The following ARHGAP23 variants were observed in gnomAD, a reference collection of about 807,000 sequenced individuals.
ARHGAP23 encodes Rho GTPase activating protein 23.
In ARHGAP23, 34 loss-of-function variants were observed where a neutral mutation model predicts 136.3. The observed-to-expected ratio is 0.25, with a 90% confidence interval of 0.19 to 0.33. The LOEUF is 0.33. Among genes scored for constraint, ARHGAP23 ranks in the 10% least tolerant of loss-of-function variants. ARHGAP23 has a pLI of 1.00. For synonymous variants in ARHGAP23, 832 were observed against 920.5 expected, an observed-to-expected ratio of 0.90 and a Z score of 1.74; for missense variants, 1,808 against 2,139.0, an observed-to-expected ratio of 0.85 and a Z score of 3.05.
intron 1 of ARHGAP23, among the ~76,000 whole-genome samples, chr17:38,432,184 T>C (rs1421060984): frequency 6.6e-6 from 1 of 152,148 alleles, no homozygotes; most frequent in Non-Finnish European, 1.5e-5. Context: ...AATAGCAACT[T>C]CTTCCATAGT....
upstream of ARHGAP23, among the ~76,000 whole-genome samples, chr17:38,428,148 G>A (rs960383196): frequency 6.6e-6 from 1 of 152,080 alleles, no homozygotes; most frequent in Non-Finnish European, 1.5e-5. Flanking sequence ...CCTCTTTCCT[G>A]GGCCTGGATG....
chr17:38,424,251 C>T (rs561483521), upstream of ARHGAP23, among the ~76,000 whole-genome samples: 54 of 152,222 alleles, frequency 3.5e-4, 1 homozygote, highest in Admixed American at 1.3e-4. Flanking sequence ...GCGTCCCCTC[C>T]GGCTGTCTCT....
At chr17:38,454,563 G>T (rs911142900) in intron 1 of ARHGAP23, among the ~76,000 whole-genome samples, 1 of 152,158 alleles carries the variant, frequency 6.6e-6, no homozygotes, top group Non-Finnish European at 1.5e-5. Context: ...CCTGGTAGGG[G>T]ACCTGGACAC....
rs563454479 is a variant in ARHGAP23, at chr17:38,434,584, G to A, written c.63+6036G>A. The stretch of plus-strand genomic sequence containing the variant: ...GGGTGTGGAGGTTGGTCGGAGGTGT[G>A]TGGGCCGGAGGAATGTGGTGGGCTG... On this transcript the variant is annotated intron_variant, in intron 1 of 23. Coordinates refer to ENST00000622683, the MANE Select transcript of ARHGAP23 (RefSeq NM_001199417.2). Among the ~76,000 whole-genome samples the A allele has an allele frequency of 4.1e-4, 63 of 152,334 alleles. 1 individual carries two copies. Among genetic ancestry groups the A allele is most frequent in the Admixed American group, 2.7e-3 (42 of 15,306 alleles).
Position 38,462,709 on chromosome 17 carries a change from G to A in ARHGAP23, c.254-137G>A, listed in dbSNP as rs1020466499. The stretch of plus-strand genomic sequence containing the variant: ...CTCCATGGACCTGTCCAGTGTCCTC[G>A]TGGATGTTTGAGCCTGTGCATGTTT... On this transcript the variant is annotated intron_variant, in intron 3 of 23. Coordinates refer to ENST00000622683, the MANE Select transcript of ARHGAP23 (RefSeq NM_001199417.2). 20 of 638,716 alleles carry A rather than the reference G, an allele frequency of 3.1e-5. No homozygotes were observed. The African/African-American group carries it at 3.5e-4, about 11-fold the overall frequency. 39.6% of individuals were successfully genotyped at this position (638,716 alleles called of 1,614,324 possible).
intron 1 of ARHGAP23, among the ~76,000 whole-genome samples, chr17:38,438,857 C>A (rs1331147380): frequency 6.6e-6 from 1 of 152,000 alleles, no homozygotes; most frequent in Non-Finnish European, 1.5e-5. Context: ...GTGGCACATA[C>A]CTGTAATCCC....
chr17:38,467,464 A>C, intron 7 of ARHGAP23, 133 bp downstream of exon 7: 2 of 746,764 alleles, frequency 2.7e-6, no homozygotes, highest in South Asian at 2.5e-5. Flanking sequence ...TTTCTCTGTC[A>C]ATTCATTCAT....
At chr17:38,464,906 GGCA>G (rs2039547727) in intron 6 of ARHGAP23, among the ~76,000 whole-genome samples, 1 of 152,136 alleles carries the variant, frequency 6.6e-6, no homozygotes, top group Non-Finnish European at 1.5e-5. Context: ...ATCGGGCCTC[GGCA>G]GCTGCTGACG....
chr17:38,424,843 G>C (rs1057463013), upstream of ARHGAP23, among the ~76,000 whole-genome samples: 1 of 152,314 alleles, frequency 6.6e-6, no homozygotes. Flanking sequence ...ACAGGCCTTT[G>C]TGAGGCTTAA....
At chr17:38,462,668 C>T (rs576950506) in intron 3 of ARHGAP23, among the ~76,000 whole-genome samples, 178 bp from the exon 4 acceptor site, 1 of 152,326 alleles carries the variant, frequency 6.6e-6, no homozygotes, top group South Asian at 2.1e-4. Context: ...CTGTGTCCTC[C>T]TGTTGGGTTC....
At chr17:38,494,215 CT>C (rs1442258460) in intron 20 of ARHGAP23, among the ~76,000 whole-genome samples, 1 of 152,212 alleles carries the variant, frequency 6.6e-6, no homozygotes, top group Non-Finnish European at 1.5e-5. Flanking sequence ...AGTTCCTTAC[CT>C]GCTGTGCCTC....
At position 38,497,955 on chromosome 17, in the gene ARHGAP23, G is replaced by A. The variant is rs1024374590; in HGVS notation, c.3318+129G>A. 4.1e-6 allele frequency: 4 copies of A among 972,396 alleles called. No individual in the cohort carries two copies. The African/African-American group carries it at 6.5e-5, about 16-fold the overall frequency. 60.2% of individuals were successfully genotyped at this position (972,396 alleles called of 1,614,324 possible). A position where few individuals can be genotyped will look rare whatever the true frequency, so the allele number is the denominator to read the frequency against. On this transcript the variant is annotated intron_variant, in intron 21 of 23. Transcript: ENST00000622683. Reference sequence around the variant, plus strand: ...GTCCTTGAGGCTTCCCTCAAGTCTGGTGGAGGAAACACAGACCCTCTCCTC... The same window carrying A: ...GTCCTTGAGGCTTCCCTCAAGTCTGATGGAGGAAACACAGACCCTCTCCTC...
At chr17:38,504,360 C>A (rs530630848) in intron 23 of ARHGAP23, among the ~76,000 whole-genome samples, 80 of 152,304 alleles carry the variant, frequency 5.3e-4, no homozygotes, top group African/African-American at 1.7e-3. Context: ...GACCAGGAAT[C>A]GGAGTCAGGG....
rs1339058710 is a variant in ARHGAP23, at chr17:38,510,500, G to C, written c.4004G>C (p.Arg1335Pro). The C allele has an allele frequency of 3.5e-6, 4 of 1,152,388 alleles. No individual in the cohort carries two copies. Among genetic ancestry groups the C allele is most frequent in the Non-Finnish European group, 3.2e-6 (3 of 938,712 alleles). The allele number at this position is 1,152,388 out of a possible 1,614,324, so 71.4% of individuals were successfully genotyped here. The change falls in exon 24 of 24, where the codon CGG (arginine) becomes CCG (proline). Residue 1335 changes from arginine (R) to proline (P), a missense_variant. By Grantham distance (103) the Arg-to-Pro change is moderately radical (BLOSUM62 -2). This residue lies in a region of ARHGAP23 where 506 missense variants were observed against 455.8 expected (regional missense o/e 1.11). Coordinates refer to ENST00000622683, the MANE Select transcript of ARHGAP23 (RefSeq NM_001199417.2). The surrounding 1 kb of genome is among the most constrained non-coding windows in gnomAD (Gnocchi z 4.6). The part of the protein sequence containing the change: ...RGRPDGEGAG[R>P]GGPRAPEPPG... The stretch of plus-strand genomic sequence containing the variant: ...CGCCCAGACGGCGAGGGCGCGGGCC[G>C]GGGCGGTCCCCGCGCCCCGGAGCCG...
intron 1 of ARHGAP23, among the ~76,000 whole-genome samples, chr17:38,420,515 T>C (rs2038509979): frequency 2.0e-5 from 3 of 152,110 alleles, no homozygotes; most frequent in Admixed American, 2.0e-4. Context: ...CCCCTATCAC[T>C]CTGGCAGAGG....
chr17:38,443,278 G>C (rs776214915), intron 1 of ARHGAP23, among the ~76,000 whole-genome samples: 25 of 152,208 alleles, frequency 1.6e-4, no homozygotes, highest in Admixed American at 5.2e-4. Flanking sequence ...GGAGTTGCAG[G>C]TGGTGGGTGC....
At chr17:38,466,061 T>C in intron 6 of ARHGAP23, 106 bp from the exon 7 acceptor site, 4 of 800,754 alleles carry the variant, frequency 5.0e-6, no homozygotes, top group South Asian at 2.5e-5. Context: ...CGCTTGGTCC[T>C]CTCCCTTCAT....
intron 1 of ARHGAP23, among the ~76,000 whole-genome samples, chr17:38,432,041 C>T (rs1364505414): frequency 6.6e-6 from 1 of 152,204 alleles, no homozygotes; most frequent in Non-Finnish European, 1.5e-5. Flanking sequence ...TTGTGAAGTA[C>T]AAACCAGGGA....
In ARHGAP23 at chr17:38,458,098, A is replaced by G. The variant is rs1167947454; in HGVS notation, c.64-4A>G. 2.6e-6 allele frequency: 4 copies of G among 1,535,894 alleles called. No homozygotes were observed. The South Asian group carries it at 3.6e-5, about 14-fold the overall frequency. ...GCTCAGCCTGGCCTCTCTGTCTCCC[A>G]CAGCTGCCACTGGGCCCAAGAGATG... is the stretch of plus-strand genomic sequence containing the variant. On this transcript the variant is annotated splice_region_variant and splice_polypyrimidine_tract_variant and intron_variant, in intron 1 of 23. Coordinates refer to ENST00000622683, the MANE Select transcript of ARHGAP23 (RefSeq NM_001199417.2).
Sources: allele counts gnomAD v4.1 joint callset (sites outside exome capture counted in the v4.1 genomes callset), GRCh38; gene constraint gnomAD v4.1.1; regional missense constraint gnomAD v4.1.1; non-coding constraint Gnocchi (gnomAD v3.1); transcripts MANE v1.5; gene names NCBI Gene and HGNC (gene_info 2026-07-23, HGNC 2026-07-21).